The following KDM4B variants were observed in gnomAD, a reference collection of about 807,000 sequenced individuals.
KDM4B encodes lysine demethylase 4B, also known as lysine-specific demethylase 4B.
In KDM4B, 32 loss-of-function variants were observed where a neutral mutation model predicts 125.2. That is an observed-to-expected ratio of 0.26 (90% CI 0.19 to 0.34). The LOEUF (loss-of-function observed/expected upper bound fraction) is 0.34. Among genes scored for constraint, KDM4B ranks in the 10% least tolerant of loss-of-function variants. The probability of loss-of-function intolerance (pLI) is 1.00; values close to 1 mark genes in which losing one functional copy is unlikely to be tolerated. For missense variants in KDM4B, 1,190 were observed against 1,577.7 expected, an observed-to-expected ratio of 0.75 and a Z score of 4.16; for synonymous variants, 721 against 677.9, an observed-to-expected ratio of 1.06 and a Z score of -0.99.
At chr19:5,021,922 C>T (rs1240091722) in intron 2 of KDM4B, among the ~76,000 whole-genome samples, 1 of 152,192 alleles carries the variant, frequency 6.6e-6, no homozygotes, top group African/African-American at 2.4e-5. Context: ...GCGTGAGCCA[C>T]CATATCCAGC....
At chr19:5,069,522 C>T (rs2037879988) in intron 6 of KDM4B, among the ~76,000 whole-genome samples, 1 of 151,848 alleles carries the variant, frequency 6.6e-6, no homozygotes, top group South Asian at 2.1e-4. Flanking sequence ...GTTGGTCAGG[C>T]TGGTCTCAAA....
chr19:4,976,520 C>A (rs1051838391), intron 1 of KDM4B, among the ~76,000 whole-genome samples: 10 of 152,170 alleles, frequency 6.6e-5, no homozygotes, highest in African/African-American at 9.7e-5. Flanking sequence ...TCAGTGTGAC[C>A]TGGCAGGAAC....
chr19:5,034,602 C>G (rs141482444), intron 3 of KDM4B, among the ~76,000 whole-genome samples: 4 of 152,176 alleles, frequency 2.6e-5, no homozygotes, highest in South Asian at 2.1e-4. Context: ...TGATTCGGCC[C>G]GAGGGCCGCA....
chr19:4,978,801 T>C (rs2034542958), intron 1 of KDM4B, among the ~76,000 whole-genome samples: 1 of 152,180 alleles, frequency 6.6e-6, no homozygotes, highest in African/African-American at 2.4e-5. Context: ...GCGTGGTCAC[T>C]GGGAGCTCGG....
In KDM4B at chr19:5,114,281, G is replaced by C; in HGVS notation, c.1115+3463G>C. 8.0e-7 allele frequency: 1 copy of C among 1,253,536 alleles called. No individual in the cohort carries two copies. The highest frequency in any genetic ancestry group is 1.0e-6 in the Non-Finnish European group (1 of 955,728). 77.7% of individuals were successfully genotyped at this position (1,253,536 alleles called of 1,614,324 possible). On this transcript the variant is annotated intron_variant, in intron 10 of 22. Transcript: ENST00000159111. The surrounding 1 kb of genome is among the most constrained non-coding windows in gnomAD (Gnocchi z 5.8). ...CTCACCACAGCCTCCCTGGCCCACT[G>C]CTGCTCTGTGAGCCCGGCTGGGCCC...
chr19:4,969,820 G>A (rs1361410128), intron 1 of KDM4B, among the ~76,000 whole-genome samples: 1 of 150,352 alleles, frequency 6.7e-6, no homozygotes, highest in Non-Finnish European at 1.5e-5. Context: ...GCTATGCCTT[G>A]GTAGCTTCCA....
chr19:5,134,113 G>A (rs770136438), intron 14 of KDM4B, 52 bp downstream of exon 14: 3 of 1,523,112 alleles, frequency 2.0e-6, no homozygotes, highest in South Asian at 2.4e-5. Context: ...GGGGCGGTGG[G>A]AGAGGGCGAG....
chr19:5,117,148 A>C (rs2039272607), intron 10 of KDM4B, among the ~76,000 whole-genome samples: 1 of 152,132 alleles, frequency 6.6e-6, no homozygotes, highest in African/African-American at 2.4e-5. Context: ...TACTGCAGGT[A>C]GGAAAGGGCT....
At chr19:5,091,283 G>T (rs137916999) in intron 9 of KDM4B, among the ~76,000 whole-genome samples, 6 of 152,214 alleles carry the variant, frequency 3.9e-5, no homozygotes, top group African/African-American at 1.4e-4. Context: ...AACAGAGCGC[G>T]AGAGATGTGA....
Position 5,144,984 on chromosome 19 carries a change from G to A in KDM4B, c.3021+82G>A. 1.9e-6 allele frequency: 3 copies of A among 1,567,658 alleles called. No homozygotes were observed. In the South Asian group the frequency reaches 3.4e-5, roughly 18 times the overall value. ...CGGGGACAGGAGGATCACACCCCTG[G>A]CCCAGGTGCCTTTGCCTGGGGCACT... On this transcript the variant is annotated intron_variant, in intron 21 of 22. Coordinates refer to ENST00000159111, the MANE Select transcript of KDM4B (RefSeq NM_015015.3).
intron 11 of KDM4B, among the ~76,000 whole-genome samples, chr19:5,122,012 G>T (rs2039370312): frequency 6.6e-6 from 1 of 152,128 alleles, no homozygotes; most frequent in African/African-American, 2.4e-5. Context: ...CTCTGTGAGT[G>T]CCCTGGGGCC....
intron 11 of KDM4B, among the ~76,000 whole-genome samples, chr19:5,124,938 C>G: frequency 6.6e-6 from 1 of 151,214 alleles, no homozygotes; most frequent in Non-Finnish European, 1.5e-5. Context: ...CTTGCTGTGT[C>G]CCCCAGGTTG....
intron 6 of KDM4B, among the ~76,000 whole-genome samples, chr19:5,056,253 G>A (rs1167414747): frequency 3.3e-5 from 5 of 152,194 alleles, no homozygotes; most frequent in East Asian, 1.9e-4. Flanking sequence ...GGTCAAAGGC[G>A]CAGCCATCAG....
At chr19:5,096,372 A>G (rs1164287726) in intron 9 of KDM4B, among the ~76,000 whole-genome samples, 2 of 152,090 alleles carry the variant, frequency 1.3e-5, no homozygotes, top group Non-Finnish European at 2.9e-5. Context: ...AGCGTGAGCC[A>G]CCGCGCCTGG....
chr19:5,143,730 G>A (rs886841635), intron 18 of KDM4B, among the ~76,000 whole-genome samples: 41 of 152,322 alleles, frequency 2.7e-4, no homozygotes, highest in African/African-American at 8.9e-4. Flanking sequence ...CATGCAGGGG[G>A]GATGGGAGAG....
intron 5 of KDM4B, among the ~76,000 whole-genome samples, chr19:5,045,170 G>A (rs2036985212): frequency 6.6e-6 from 1 of 152,160 alleles, no homozygotes; most frequent in African/African-American, 2.4e-5. Flanking sequence ...TAGCAGCAGC[G>A]AATGAACGTT....
At chr19:5,011,451 T>C (rs1319142994) in intron 1 of KDM4B, among the ~76,000 whole-genome samples, 2 of 152,162 alleles carry the variant, frequency 1.3e-5, no homozygotes, top group Non-Finnish European at 2.9e-5. Flanking sequence ...AGGCTTTGGG[T>C]GTCCACCCCC....
At chr19:5,039,498 C>G (rs1339012981) in intron 3 of KDM4B, among the ~76,000 whole-genome samples, 10 of 152,188 alleles carry the variant, frequency 6.6e-5, no homozygotes, top group Non-Finnish European at 1.3e-4. Context: ...CTCTGAGCCT[C>G]AAGATGCCAG....
chr19:5,054,525 T>A (rs1214373541), intron 6 of KDM4B, among the ~76,000 whole-genome samples: 1 of 152,198 alleles, frequency 6.6e-6, no homozygotes, highest in Non-Finnish European at 1.5e-5. Flanking sequence ...TGTACATGTG[T>A]TTGTTAGAGA....
Sources: gnomAD v4.1 joint callset for allele counts (sites outside exome capture counted in the v4.1 genomes callset) on GRCh38, gnomAD v4.1.1 for gene constraint, Gnocchi (gnomAD v3.1) non-coding constraint, MANE v1.5 for transcripts, NCBI Gene and HGNC (gene_info 2026-07-23, HGNC 2026-07-21) for gene names.